Variants in SPOCK2 observed in about 807,000 individuals in gnomAD.
The protein encoded by SPOCK2 is testican-2.
In SPOCK2, 39 loss-of-function variants were observed where a neutral mutation model predicts 60.1. The observed-to-expected ratio is 0.65, with a 90% CI of 0.50 to 0.85. The LOEUF is 0.85. SPOCK2 is among the 40% of genes least tolerant of loss of function. SPOCK2 has a pLI of 0.00. For synonymous variants in SPOCK2, 217 were observed against 231.5 expected, an observed-to-expected ratio of 0.94 and a Z score of 0.57; for missense variants, 523 against 567.4, an observed-to-expected ratio of 0.92 and a Z score of 0.80.
rs1840462779 is a variant in SPOCK2 at position 72,059,342 on chromosome 10, A to G, written c.*3418T>C. The G allele has an allele frequency of 6.6e-6, 1 of 152,458 alleles. No individual in the cohort carries two copies. The highest frequency in any genetic ancestry group is 1.9e-4 in the East Asian group (1 of 5,198). The allele number at this position is 152,458 out of a possible 1,614,324, so 9.4% of individuals were successfully genotyped here. A position where few individuals can be genotyped will look rare whatever the true frequency, so the allele number is the denominator to read the frequency against. The stretch of plus-strand genomic sequence containing the variant: ...AGATACAATTTCAGCAGTTAAATCT[A>G]CAGACGGAAATCCAAGCACTTGAAC... On this transcript the variant is annotated 3_prime_UTR_variant, in exon 11 of 11. Transcript: ENST00000373109.
chr10:72,078,847 T>A (rs1489486706), intron 1 of SPOCK2, among the ~76,000 whole-genome samples: 2 of 152,224 alleles, frequency 1.3e-5, no homozygotes, highest in Non-Finnish European at 2.9e-5. Context: ...TCTACCATTG[T>A]TCCAGTGACA....
At chr10:72,088,586 C>G, upstream of SPOCK2, 1 of 424,450 alleles carries the variant, frequency 2.4e-6, no homozygotes. Flanking sequence ...GTAACTGTAG[C>G]ATCAGCATCA....
chr10:72,067,541 C>G, intron 7 of SPOCK2, 72 bp downstream of exon 7: 2 of 1,592,766 alleles, frequency 1.3e-6, no homozygotes, highest in Non-Finnish European at 1.7e-6. Context: ...CAGACTGGCC[C>G]AGCATACACC....
At position 72,062,953 on chromosome 10, in the gene SPOCK2, A is replaced by AC. The variant is rs746881490; in HGVS notation, c.1130-49dup. The AC allele has an allele frequency of 1.3e-6, 2 of 1,581,564 alleles. No individual in the cohort carries two copies. The highest frequency in any genetic ancestry group is 1.1e-5 in the South Asian group (1 of 87,480). The stretch of plus-strand genomic sequence containing the variant: ...GGGGGTGAGGGAGCTTCTGGCACGC[A>AC]CCCCCCAGCATCCCACGACAAGGGC... On this transcript the variant is annotated intron_variant, in intron 10 of 10. Coordinates refer to ENST00000373109, the MANE Select transcript of SPOCK2 (RefSeq NM_001244950.2). The surrounding 1 kb of genome is among the most constrained non-coding windows in gnomAD (Gnocchi z 4.3).
chr10:72,081,274 C>T (rs1384151463), intron 1 of SPOCK2, among the ~76,000 whole-genome samples: 4 of 152,194 alleles, frequency 2.6e-5, no homozygotes, highest in East Asian at 1.9e-4. Context: ...TGGAGATGAG[C>T]GGAATAGGAG....
In SPOCK2 at chr10:72,062,864, C is replaced by A; in HGVS notation, c.1171G>T (p.Gly391Cys). 1 of 1,603,282 alleles carries A rather than the reference C, an allele frequency of 6.2e-7. No homozygotes were observed. The highest frequency in any genetic ancestry group is 2.2e-5 in the East Asian group (1 of 44,670). The change falls in exon 11 of 11, where the codon GGC becomes TGC. Residue 391 changes from glycine to cysteine, a missense_variant. Coordinates refer to ENST00000373109, the MANE Select transcript of SPOCK2 (RefSeq NM_001244950.2). The surrounding 1 kb of genome is among the most constrained non-coding windows in gnomAD (Gnocchi z 4.3). ...TCCTTCTCCTCCTCATCCTCCCAGC[C>A]GACACCGCTTCCAAAGTCCCCCGAG... Reference protein sequence around the residue: ...GFSGDFGSGVGWEDEEEKETE... With the variant: ...GFSGDFGSGVCWEDEEEKETE...
chr10:72,087,134 G>A lies in SPOCK2; in HGVS notation c.189+1006C>T. On this transcript the variant is annotated intron_variant, in intron 1 of 10. Coordinates refer to ENST00000373109, the MANE Select transcript of SPOCK2 (RefSeq NM_001244950.2). The surrounding 1 kb of genome is among the most constrained non-coding windows in gnomAD (Gnocchi z 4.7). ...CCCCCACAGCACCCCCAACGATCTC[G>A]GGGTCCAGCCACACCCTCCGCCCGC... 4 of 930,116 alleles carry A rather than the reference G, an allele frequency of 4.3e-6. No homozygotes were observed. Among genetic ancestry groups the A allele is most frequent in the Non-Finnish European group, 6.2e-6 (4 of 642,884 alleles). The allele number at this position is 930,116 out of a possible 1,614,324, so 57.6% of individuals were successfully genotyped here.
At chr10:72,070,597 A>G (rs1161091153) in intron 4 of SPOCK2, among the ~76,000 whole-genome samples, 171 bp from the exon 5 acceptor site, 7 of 111,212 alleles carry the variant, frequency 6.3e-5, no homozygotes, top group Non-Finnish European at 1.3e-4. Flanking sequence ...ACCCTCCTCC[A>G]GCTCAGAAGG....
At chr10:72,070,861 T>A (rs76562042) in intron 4 of SPOCK2, among the ~76,000 whole-genome samples, 2 of 151,972 alleles carry the variant, frequency 1.3e-5, no homozygotes, top group Non-Finnish European at 2.9e-5. Flanking sequence ...AGAGTTCACA[T>A]AAATACCTGG....
At chr10:72,085,218 A>G (rs941043392) in intron 1 of SPOCK2, among the ~76,000 whole-genome samples, 7 of 152,190 alleles carry the variant, frequency 4.6e-5, no homozygotes, top group African/African-American at 1.7e-4. Context: ...AGGACTGCCC[A>G]GGGCAGGGTA....
rs1454871213 is a variant in SPOCK2 at position 72,060,135 on chromosome 10, C to T, written c.*2625G>A. On this transcript the variant is annotated 3_prime_UTR_variant, in exon 11 of 11. Transcript: ENST00000373109. ...GAGGAAGGACCGATCTGCAACCTTG[C>T]TCATGAGGAAACCTTAACCTTGTCT... The T allele has an allele frequency of 6.6e-6, 1 of 152,230 alleles. No individual in the cohort carries two copies. The highest frequency in any genetic ancestry group is 1.5e-5 in the Non-Finnish European group (1 of 68,068). The allele number at this position is 152,230 out of a possible 1,614,324, so 9.4% of individuals were successfully genotyped here. A position where few individuals can be genotyped will look rare whatever the true frequency, so the allele number is the denominator to read the frequency against.
chr10:72,072,213 C>T lies in SPOCK2; in HGVS notation c.290G>A (p.Arg97His), dbSNP rs186824562. The T allele has an allele frequency of 2.7e-5, 42 of 1,552,452 alleles. No individual in the cohort carries two copies. The highest frequency in any genetic ancestry group is 4.1e-5 in the African/African-American group (3 of 73,152). ...KDPCQKVKCS[R>H]HKVCIAQGYQ... ...GCCCTGGGCAATGCACACCTTGTGG[C>T]GGCTGCACTTCACCTTCTGGCAGGG... Residue 97 changes from arginine to histidine, a missense_variant, in exon 4 of 11, where the codon CGC (arginine) becomes CAC (histidine). By Grantham distance (29) the Arg-to-His change is conservative. Transcript: ENST00000373109.
Position 72,063,515 on chromosome 10 carries a change from C to T in SPOCK2, c.992-353G>A, listed in dbSNP as rs550601905. 2.1e-3 allele frequency among the ~76,000 whole-genome samples: 322 copies of T among 152,338 alleles called. 2 individuals are homozygous for T. The highest frequency in any genetic ancestry group is 6.8e-3 in the Middle Eastern group (2 of 294). On this transcript the variant is annotated intron_variant, in intron 9 of 10. Coordinates refer to ENST00000373109, the MANE Select transcript of SPOCK2 (RefSeq NM_001244950.2). ...ACTCTCCATCCTCCCACAGTTCCGC[C>T]GGCCTGGCTGTCCCCTGCTAGGAAG... is the stretch of plus-strand genomic sequence containing the variant.
rs754446692 is a variant in SPOCK2 at position 72,086,980 on chromosome 10, C to T, written c.189+1160G>A. The stretch of plus-strand genomic sequence containing the variant: ...GTGGCCTGCGTTGTACTGGGTGGGT[C>T]GGACGAGGGAACCTGGGGAAGGAGG... On this transcript the variant is annotated intron_variant, in intron 1 of 10. Transcript: ENST00000373109. 38 of 1,551,390 alleles carry T rather than the reference C, an allele frequency of 2.4e-5. No individual in the cohort carries two copies. The South Asian group carries it at 4.4e-4, about 18-fold the overall frequency.
intron 1 of SPOCK2, among the ~76,000 whole-genome samples, chr10:72,082,085 C>G (rs1299119020): frequency 6.6e-6 from 1 of 152,220 alleles, no homozygotes; most frequent in South Asian, 2.1e-4. Context: ...ATTACAAATA[C>G]CAGCAGAAGG....
intron 1 of SPOCK2, chr10:72,086,645 G>T: frequency 8.1e-7 from 1 of 1,231,886 alleles, no homozygotes; most frequent in Non-Finnish European, 1.0e-6. Flanking sequence ...GGCCTCGCGG[G>T]GCTCCAGGCT....
At chr10:72,064,392 G>C in intron 8 of SPOCK2, 152 bp from the exon 9 acceptor site, 1 of 814,926 alleles carries the variant, frequency 1.2e-6, no homozygotes, top group Non-Finnish European at 1.8e-6. Context: ...GGGGTGGGAA[G>C]TACAAGGGTT....
chr10:72,084,273 C>T (rs1159174634), intron 1 of SPOCK2, among the ~76,000 whole-genome samples: 1 of 152,218 alleles, frequency 6.6e-6, no homozygotes, highest in African/African-American at 2.4e-5. Flanking sequence ...AGCCCCCTGG[C>T]AAGGTGCCTT....
At chr10:72,068,106 C>T (rs1266100285) in intron 6 of SPOCK2, 81 bp downstream of exon 6, 1 of 1,487,086 alleles carries the variant, frequency 6.7e-7, no homozygotes, top group East Asian at 2.4e-5. Flanking sequence ...CTGCACACCT[C>T]TTCTACCACC....
Sources: gnomAD v4.1 joint callset for allele counts (sites outside exome capture counted in the v4.1 genomes callset) on GRCh38, gnomAD v4.1.1 for gene constraint, Gnocchi (gnomAD v3.1) non-coding constraint, MANE v1.5 for transcripts, NCBI Gene and HGNC (gene_info 2026-07-23, HGNC 2026-07-21) for gene names.